Variants in KIAA1671 observed in about 807,000 individuals in gnomAD.
KIAA1671 encodes uncharacterized protein KIAA1671.
KIAA1671 carries 52 observed loss-of-function variants against 131.2 expected under a neutral mutation model. The ratio of observed to expected loss-of-function variants is 0.40; its 90% CI spans 0.32 to 0.50. The LOEUF (loss-of-function observed/expected upper bound fraction) is 0.50, where lower values mean the gene tolerates loss of function less well. Ranked by LOEUF, KIAA1671 falls within the 20% of genes least tolerant of loss-of-function variation. The probability of loss-of-function intolerance (pLI) is 0.73; values close to 1 mark genes in which losing one functional copy is unlikely to be tolerated. For synonymous variants in KIAA1671, 1,003 were observed against 961.6 expected (o/e 1.04, Z -0.80); for missense variants, 2,360 against 2,364.2 (o/e 1.00, Z 0.04).
chr22:25,140,780 C>T (rs1420250623), intron 6 of KIAA1671, among the ~76,000 whole-genome samples: 4 of 152,096 alleles, frequency 2.6e-5, no homozygotes, highest in Non-Finnish European at 5.9e-5. Context: ...GACAGGCATC[C>T]GTAGGAGGTT....
intron 6 of KIAA1671, among the ~76,000 whole-genome samples, chr22:25,113,404 G>T (rs1931483186): frequency 1.3e-5 from 2 of 152,336 alleles, no homozygotes; most frequent in East Asian, 1.9e-4. Flanking sequence ...TGACTGTGTT[G>T]GCCCAGTTTA....
At chr22:25,018,284 G>T (rs756828442) in intron 1 of KIAA1671, among the ~76,000 whole-genome samples, 3 of 151,746 alleles carry the variant, frequency 2.0e-5, no homozygotes, top group Non-Finnish European at 4.4e-5. Flanking sequence ...GCTTTTAATA[G>T]AGATTCGCCT....
rs536909875 is a variant in KIAA1671 at position 25,193,398 on chromosome 22, A to C, written c.*997A>C. ...CTGCCCTAGTAATCTTTTTCTCCAG[A>C]GTCTTCTTTGAACATGACGTGGGCT... On this transcript the variant is annotated 3_prime_UTR_variant, in exon 13 of 13. Coordinates refer to ENST00000358431, the MANE Select transcript of KIAA1671 (RefSeq NM_001145206.2). 4 of 152,254 alleles carry C rather than the reference A, an allele frequency of 2.6e-5. No individual in the cohort carries two copies. Among genetic ancestry groups the C allele is most frequent in the Non-Finnish European group, 5.9e-5 (4 of 68,042 alleles). 9.4% of individuals were successfully genotyped at this position (152,254 alleles called of 1,614,324 possible).
intron 6 of KIAA1671, among the ~76,000 whole-genome samples, chr22:25,109,767 A>T (rs1321891153): frequency 6.6e-6 from 1 of 152,204 alleles, no homozygotes; most frequent in Non-Finnish European, 1.5e-5. Flanking sequence ...CTTAATCTCT[A>T]TGCAGTGCCT....
chr22:25,003,625 G>A (rs1329419587), intron 1 of KIAA1671, among the ~76,000 whole-genome samples: 1 of 151,700 alleles, frequency 6.6e-6, no homozygotes, highest in African/African-American at 2.4e-5. Context: ...TGTTAGCCAG[G>A]ATGGTCTTGA....
chr22:25,079,302 T>C (rs1929277827), intron 6 of KIAA1671, among the ~76,000 whole-genome samples: 1 of 151,856 alleles, frequency 6.6e-6, no homozygotes. Context: ...CCATCTCGGC[T>C]CACTGCAACC....
intron 6 of KIAA1671, among the ~76,000 whole-genome samples, chr22:25,122,950 G>A (rs1932013978): frequency 6.6e-6 from 1 of 151,894 alleles, no homozygotes; most frequent in Non-Finnish European, 1.5e-5. Flanking sequence ...ACACCAGCCG[G>A]GGCGACAGAG....
At chr22:25,095,002 T>C (rs1391992630) in intron 6 of KIAA1671, among the ~76,000 whole-genome samples, 1 of 152,196 alleles carries the variant, frequency 6.6e-6, no homozygotes, top group East Asian at 1.9e-4. Context: ...ATGAGTGCGC[T>C]GAGTCTGTCT....
chr22:25,189,975 G>A (rs545575122), intron 11 of KIAA1671, among the ~76,000 whole-genome samples: 1 of 152,186 alleles, frequency 6.6e-6, no homozygotes, highest in African/African-American at 2.4e-5. Flanking sequence ...TATTTCAGCG[G>A]TCCCCAACCT....
chr22:25,069,416 T>C lies in KIAA1671; in HGVS notation c.4530+20052T>C, dbSNP rs575975537. ...TTTATTGCATTTTAATCTCTGAAAATTGACATTCTCCTCACTCCCCACCTG... is the reference window on the plus strand; with the variant it reads ...TTTATTGCATTTTAATCTCTGAAAACTGACATTCTCCTCACTCCCCACCTG... On this transcript the variant is annotated intron_variant, in intron 6 of 12. Transcript: ENST00000358431. Among the ~76,000 whole-genome samples, 44 of 152,198 alleles carry C rather than the reference T, an allele frequency of 2.9e-4. 1 individual carries two copies. Among genetic ancestry groups the C allele is most frequent in the South Asian group, 2.7e-3 (13 of 4,820 alleles).
At chr22:25,128,037 C>T (rs1932265114) in intron 6 of KIAA1671, among the ~76,000 whole-genome samples, 1 of 152,182 alleles carries the variant, frequency 6.6e-6, no homozygotes, top group South Asian at 2.1e-4. Flanking sequence ...GGCCAAGGGC[C>T]TCAACCTCTT....
chr22:25,083,678 A>G (rs1929531816), intron 6 of KIAA1671, among the ~76,000 whole-genome samples: 1 of 152,180 alleles, frequency 6.6e-6, no homozygotes, highest in Non-Finnish European at 1.5e-5. Context: ...TATGTCTTTA[A>G]TTTGACCTTA....
At chr22:25,041,594 C>T (rs1926926958) in intron 5 of KIAA1671, 69 bp downstream of exon 5, 2 of 1,435,042 alleles carry the variant, frequency 1.4e-6, no homozygotes, top group South Asian at 1.5e-5. Flanking sequence ...GGCCGAAACT[C>T]AGATTTTGTG....
chr22:25,163,415 C>G (rs1420545119), intron 6 of KIAA1671, among the ~76,000 whole-genome samples: 1 of 102,590 alleles, frequency 9.7e-6, no homozygotes, highest in African/African-American at 3.7e-5. Flanking sequence ...AATATTACTT[C>G]TGGACATTAT....
At chr22:25,189,683 CACTT>C (rs1263068428) in intron 11 of KIAA1671, among the ~76,000 whole-genome samples, 7 of 152,200 alleles carry the variant, frequency 4.6e-5, no homozygotes, top group Admixed American at 6.5e-5. Context: ...CCATCACAGA[CACTT>C]ACCTGGATAG....
rs1265863050 is a variant in KIAA1671 at position 25,029,128 on chromosome 22, G to T, written c.1129G>T (p.Val377Phe). 8 of 1,462,330 alleles carry T rather than the reference G, an allele frequency of 5.5e-6. No homozygotes were observed. In the African/African-American group the frequency reaches 1.0e-4, roughly 18 times the overall value. 90.6% of individuals were successfully genotyped at this position (1,462,330 alleles called of 1,614,324 possible). ...AGCCCTGGTGGGGGGCTCATCTGGG[G>T]TCACCCCCAGCAATGACCAGAGTCC... ...PRALVGGSSG[V>F]TPSNDQSPWE... The change falls in exon 3 of 13, where the codon GTC (valine) becomes TTC (phenylalanine). Residue 377 changes from valine (V) to phenylalanine (F), a missense_variant. Physicochemically the swap from Val to Phe is conservative, Grantham distance 50. This residue lies in a region of KIAA1671 where 1,185 missense variants were observed against 1,126.2 expected (regional missense o/e 1.05). Coordinates refer to ENST00000358431, the MANE Select transcript of KIAA1671 (RefSeq NM_001145206.2).
intron 5 of KIAA1671, among the ~76,000 whole-genome samples, chr22:25,044,643 A>G (rs937292697): frequency 1.1e-4 from 16 of 152,182 alleles, no homozygotes; most frequent in African/African-American, 1.9e-4. Flanking sequence ...CTTAAAAAAA[A>G]AAATAAAAAC....
At chr22:25,052,472 C>T (rs1315708319) in intron 6 of KIAA1671, 1 of 152,202 alleles carries the variant, frequency 6.6e-6, no homozygotes, top group Non-Finnish European at 1.5e-5. Flanking sequence ...CACTTACTAT[C>T]GTTACATGTC....
intron 6 of KIAA1671, among the ~76,000 whole-genome samples, chr22:25,096,503 C>T (rs895383886): frequency 6.6e-5 from 10 of 152,182 alleles, no homozygotes; most frequent in Non-Finnish European, 1.3e-4. Context: ...CCCTGTTGCC[C>T]GTCCGCTGGT....
Sources: gnomAD v4.1 joint callset for allele counts (sites outside exome capture counted in the v4.1 genomes callset) on GRCh38, gnomAD v4.1.1 for gene constraint, gnomAD v4.1.1 regional missense constraint, MANE v1.5 for transcripts, NCBI Gene and HGNC (gene_info 2026-07-23, HGNC 2026-07-21) for gene names.